SH3PXD2A: variants seen among roughly 807,000 people sequenced by gnomAD.
SH3PXD2A encodes the protein SH3 and PX domain-containing protein 2A.
A neutral mutation model predicts 115.2 loss-of-function variants in SH3PXD2A; 32 were observed. That is an observed-to-expected ratio of 0.28 (90% CI 0.21 to 0.37). The LOEUF is 0.37. Among genes scored for constraint, SH3PXD2A ranks in the 10% least tolerant of loss-of-function variants. SH3PXD2A has a pLI of 1.00. For synonymous variants in SH3PXD2A, 610 were observed against 629.1 expected, an observed-to-expected ratio of 0.97 and a Z score of 0.45; for missense variants, 1,328 against 1,498.7, an observed-to-expected ratio of 0.89 and a Z score of 1.88.
At chr10:103,822,738 C>G (rs2039394103) in intron 1 of SH3PXD2A, among the ~76,000 whole-genome samples, 1 of 152,182 alleles carries the variant, frequency 6.6e-6, no homozygotes, top group Non-Finnish European at 1.5e-5. Flanking sequence ...GAACAATCCT[C>G]TAAACCCAAA....
intron 1 of SH3PXD2A, among the ~76,000 whole-genome samples, chr10:103,828,227 G>C (rs1295824856): frequency 6.6e-6 from 1 of 152,214 alleles, no homozygotes; most frequent in Admixed American, 6.5e-5. Flanking sequence ...AAGCGAGTGT[G>C]AGTGCCAGGT....
intron 5 of SH3PXD2A, among the ~76,000 whole-genome samples, chr10:103,713,033 C>A (rs938236298): frequency 1.3e-4 from 20 of 152,192 alleles, no homozygotes; most frequent in Admixed American, 1.3e-3. Context: ...GGGTCCAGCA[C>A]GGCTTTAGTA....
chr10:103,630,746 A>AAG (rs11372308), intron 8 of SH3PXD2A, among the ~76,000 whole-genome samples: 14 of 9,294 alleles, frequency 1.5e-3, no homozygotes, highest in African/African-American at 5.4e-3. Context: ...CCCTTCTCTT[A>AAG]AAAAAAAAAA....
Position 103,691,983 on chromosome 10 carries a change from A to C in SH3PXD2A, c.427+1045T>G, listed in dbSNP as rs973706974. On this transcript the variant is annotated intron_variant, in intron 6 of 14. Transcript: ENST00000369774. ...CTACATCCATCCACCACACAGGGGC[A>C]CTCCCCTCAACCTATCCACAGGCCA... is the stretch of plus-strand genomic sequence containing the variant. Among the ~76,000 whole-genome samples the C allele has an allele frequency of 7.2e-5, 11 of 152,040 alleles. No individual in the cohort carries two copies. In the East Asian group the frequency reaches 2.1e-3, roughly 29 times the overall value.
In SH3PXD2A at chr10:103,602,114, C is replaced by G; in HGVS notation, c.3104G>C (p.Arg1035Pro). ...AAEAKGRLAE[R>P]AASQGSDSPL... ...TGAGTCTGAACCCTGGCTGGCAGCCCGTTCGGCCAGGCGGCCCTTGGCCTC... is the reference window on the plus strand; with the variant it reads ...TGAGTCTGAACCCTGGCTGGCAGCCGGTTCGGCCAGGCGGCCCTTGGCCTC... The change falls in exon 15 of 15, where the codon CGG becomes CCG. Residue 1035 changes from arginine (R) to proline (P), a missense_variant. Arg to Pro is a moderately radical substitution (Grantham distance 103, BLOSUM62 -2). Transcript: ENST00000369774. 1.3e-6 allele frequency: 2 copies of G among 1,587,980 alleles called. No individual in the cohort carries two copies. Among genetic ancestry groups the G allele is most frequent in the Non-Finnish European group, 8.6e-7 (1 of 1,164,620 alleles).
chr10:103,813,408 C>A (rs972028517), intron 1 of SH3PXD2A, among the ~76,000 whole-genome samples: 1 of 152,228 alleles, frequency 6.6e-6, no homozygotes, highest in African/African-American at 2.4e-5. Flanking sequence ...CCCTGACCTC[C>A]TGGGCTCAAG....
intron 8 of SH3PXD2A, among the ~76,000 whole-genome samples, chr10:103,635,786 T>A (rs1360996590): frequency 6.6e-6 from 1 of 151,188 alleles, no homozygotes; most frequent in East Asian, 1.9e-4. Flanking sequence ...CCTTTCCAGA[T>A]GGCAGAGGCC....
intron 2 of SH3PXD2A, among the ~76,000 whole-genome samples, chr10:103,776,737 C>T (rs937811686): frequency 6.6e-6 from 1 of 151,978 alleles, no homozygotes; most frequent in Non-Finnish European, 1.5e-5. Context: ...GCTCTCCCTG[C>T]GTGTGTGTCT....
chr10:103,799,865 T>TTTCAATCCCATATTCAATGGGATA (rs1421333333), intron 2 of SH3PXD2A, among the ~76,000 whole-genome samples: 1 of 152,192 alleles, frequency 6.6e-6, no homozygotes, highest in Admixed American at 6.5e-5. Context: ...AGGGAGTGGC[T>TTTCAATCCCATATTCAATGGGATA]TTCAATCCCA....
intron 1 of SH3PXD2A, among the ~76,000 whole-genome samples, chr10:103,842,978 G>A (rs546440287): frequency 2.0e-5 from 3 of 152,286 alleles, no homozygotes; most frequent in Admixed American, 6.5e-5. Context: ...TCGTAGACTG[G>A]AAATGTCATT....
chr10:103,840,321 C>T (rs906055869), intron 1 of SH3PXD2A, among the ~76,000 whole-genome samples: 1 of 152,308 alleles, frequency 6.6e-6, no homozygotes, highest in South Asian at 2.1e-4. Context: ...ATCGCCACCC[C>T]GGCCCAGCCC....
At chr10:103,673,563 CAAAATAAATAAGTAT>C (rs2037491989) in intron 6 of SH3PXD2A, 1 of 152,080 alleles carries the variant, frequency 6.6e-6, no homozygotes, top group East Asian at 1.9e-4. Context: ...GACCCTGTCT[CAAAATAAATAAGTAT>C]AAAATAATTT....
At chr10:103,655,056 G>A (rs1044068524) in intron 8 of SH3PXD2A, among the ~76,000 whole-genome samples, 4 of 152,268 alleles carry the variant, frequency 2.6e-5, no homozygotes, top group Middle Eastern at 3.4e-3. Flanking sequence ...AGTGGGTAAC[G>A]GCTGCACACT....
intron 2 of SH3PXD2A, among the ~76,000 whole-genome samples, chr10:103,794,646 G>T (rs1011633034): frequency 6.6e-6 from 1 of 152,208 alleles, no homozygotes; most frequent in African/African-American, 2.4e-5. Flanking sequence ...AAGCAACCCA[G>T]GCCCTTAATC....
chr10:103,726,137 G>A (rs916591422), intron 4 of SH3PXD2A, among the ~76,000 whole-genome samples: 1 of 152,200 alleles, frequency 6.6e-6, no homozygotes, highest in Non-Finnish European at 1.5e-5. Flanking sequence ...CTAGAGCCAG[G>A]AGAAGACAGG....
intron 1 of SH3PXD2A, among the ~76,000 whole-genome samples, chr10:103,823,131 T>C (rs1158108058): frequency 6.6e-6 from 1 of 152,210 alleles, no homozygotes; most frequent in Non-Finnish European, 1.5e-5. Context: ...AGTTATATGT[T>C]CAAAGATGTT....
intron 4 of SH3PXD2A, among the ~76,000 whole-genome samples, chr10:103,731,304 G>A (rs2134180837): frequency 6.6e-6 from 1 of 152,060 alleles, no homozygotes; most frequent in South Asian, 2.1e-4. Context: ...GGGACTGCCG[G>A]CATGCACTAC....
At chr10:103,699,141 G>C (rs1564867100) in intron 5 of SH3PXD2A, among the ~76,000 whole-genome samples, 1 of 152,186 alleles carries the variant, frequency 6.6e-6, no homozygotes, top group Non-Finnish European at 1.5e-5. Flanking sequence ...GGCTGTCAAA[G>C]TCCAGTGCTG....
chr10:103,747,275 CAG>C (rs939081680), intron 3 of SH3PXD2A, among the ~76,000 whole-genome samples: 79 of 152,300 alleles, frequency 5.2e-4, no homozygotes, highest in African/African-American at 1.8e-3. Flanking sequence ...ACAGTGGGGC[CAG>C]AGTGTGGTTA....
Sources: gnomAD v4.1 joint callset for allele counts (sites outside exome capture counted in the v4.1 genomes callset) on GRCh38, gnomAD v4.1.1 for gene constraint, MANE v1.5 for transcripts, NCBI Gene and HGNC (gene_info 2026-07-23, HGNC 2026-07-21) for gene names.